GPR39: variants seen among roughly 807,000 people sequenced by gnomAD.
GPR39 encodes zinc sensing receptor.
GPR39 carries 23 observed loss-of-function variants against 18.4 expected under a neutral mutation model. The ratio of observed to expected loss-of-function variants is 1.25; its 90% CI spans 0.90 to 1.77. GPR39 has a LOEUF of 1.77. Ranked by LOEUF, GPR39 falls within the 40% of genes most tolerant of loss-of-function variation. The pLI, the probability that GPR39 is intolerant of heterozygous loss-of-function variation, is 0.00. For missense variants in GPR39, 647 were observed against 602.4 expected (o/e 1.07, Z -0.78); for synonymous variants, 280 against 257.9 (o/e 1.09, Z -0.82).
At chr2:132,530,591 G>A (rs566319107) in intron 1 of GPR39, among the ~76,000 whole-genome samples, 6 of 152,104 alleles carry the variant, frequency 3.9e-5, no homozygotes, top group Non-Finnish European at 8.8e-5. Flanking sequence ...AAATGTTAAG[G>A]GCAGCCAGAG....
intron 1 of GPR39, among the ~76,000 whole-genome samples, chr2:132,493,525 T>C (rs67657567): frequency 0.018 from 1,885 of 103,772 alleles, 39 homozygotes; most frequent in South Asian, 0.041. Context: ...TATATATATA[T>C]ATACACACAC....
chr2:132,630,436 G>A (rs937756849), intron 1 of GPR39, among the ~76,000 whole-genome samples: 5 of 152,186 alleles, frequency 3.3e-5, no homozygotes, highest in African/African-American at 4.8e-5. Flanking sequence ...TGGGTGTGAG[G>A]AGCAGGTACA....
intron 1 of GPR39, among the ~76,000 whole-genome samples, chr2:132,533,630 A>T (rs1679685649): frequency 6.6e-6 from 1 of 152,162 alleles, no homozygotes; most frequent in Non-Finnish European, 1.5e-5. Context: ...ACAGCATGGT[A>T]CTGGTACCAC....
At chr2:132,441,712 T>G (rs997236767) in intron 1 of GPR39, among the ~76,000 whole-genome samples, 38 of 152,256 alleles carry the variant, frequency 2.5e-4, no homozygotes, top group African/African-American at 9.2e-4. Flanking sequence ...AGCAATAGTT[T>G]AAACTAATTT....
intron 1 of GPR39, among the ~76,000 whole-genome samples, chr2:132,527,070 T>C (rs1679527451): frequency 6.6e-6 from 1 of 152,172 alleles, no homozygotes; most frequent in Non-Finnish European, 1.5e-5. Flanking sequence ...CCGCATGGAT[T>C]AGGTATTTGT....
At chr2:132,585,459 C>T (rs1209277228) in intron 1 of GPR39, among the ~76,000 whole-genome samples, 1 of 152,190 alleles carries the variant, frequency 6.6e-6, no homozygotes, top group Non-Finnish European at 1.5e-5. Flanking sequence ...CATCCCCTTC[C>T]GTCCCCTCCC....
At chr2:132,445,202 G>A (rs1306261203) in intron 1 of GPR39, among the ~76,000 whole-genome samples, 1 of 151,958 alleles carries the variant, frequency 6.6e-6, no homozygotes. Context: ...GCATCCATAT[G>A]TTATTCTGAT....
Position 132,617,650 on chromosome 2 carries a change from G to A in GPR39, c.857-27451G>A, listed in dbSNP as rs6707266. 3.3e-5 allele frequency among the ~76,000 whole-genome samples: 5 copies of A among 152,034 alleles called. No homozygotes were observed. In the South Asian group the frequency reaches 6.2e-4, roughly 19 times the overall value. ...TAAATTAGACATTTTTTTGTCATACGTATAGGAAATGTCTTCCCTAGTTGT... is the reference window on the plus strand; with the variant it reads ...TAAATTAGACATTTTTTTGTCATACATATAGGAAATGTCTTCCCTAGTTGT... On this transcript the variant is annotated intron_variant, in intron 1 of 1. Coordinates refer to ENST00000329321, the MANE Select transcript of GPR39 (RefSeq NM_001508.3).
chr2:132,645,575 C>T lies in GPR39; in HGVS notation c.1331C>T (p.Ala444Val). 3 of 1,613,894 alleles carry T rather than the reference C, an allele frequency of 1.9e-6. No homozygotes were observed. The highest frequency in any genetic ancestry group is 1.7e-6 in the Non-Finnish European group (2 of 1,179,924). ...NSGAKPANSA[A>V]ENGFQEHEV ...GGCGCGAAACCAGCCAATTCTGCTG[C>T]AGAGAATGGTTTTCAGGAGCATGAA... Residue 444 changes from alanine to valine, a missense_variant, in exon 2 of 2, where the codon GCA becomes GTA. Coordinates refer to ENST00000329321, the MANE Select transcript of GPR39 (RefSeq NM_001508.3).
intron 1 of GPR39, among the ~76,000 whole-genome samples, chr2:132,591,352 T>G (rs1454669611): frequency 6.6e-6 from 1 of 151,404 alleles, no homozygotes; most frequent in Non-Finnish European, 1.5e-5. Flanking sequence ...CCATGCTGGA[T>G]GCTTCCTGCC....
At chr2:132,493,051 CCATATATACACCATATATATACCA>C (rs1558814972) in intron 1 of GPR39, among the ~76,000 whole-genome samples, 64 of 121,326 alleles carry the variant, frequency 5.3e-4, no homozygotes, top group African/African-American at 1.9e-3. Context: ...ACCATATATA[CCATATATACACCATATATATACCA>C]CATATATACC....
At chr2:132,536,815 T>TA (rs1679765230) in intron 1 of GPR39, among the ~76,000 whole-genome samples, 1 of 152,266 alleles carries the variant, frequency 6.6e-6, no homozygotes, top group Admixed American at 6.5e-5. Context: ...CCTTTACCGT[T>TA]ATGTAATGCA....
intron 1 of GPR39, among the ~76,000 whole-genome samples, chr2:132,626,161 T>A (rs1681542022): frequency 6.6e-6 from 1 of 151,678 alleles, no homozygotes; most frequent in Non-Finnish European, 1.5e-5. Flanking sequence ...TCCCCCAAGG[T>A]GACACTGCTG....
chr2:132,580,763 AG>A (rs1226836250), intron 1 of GPR39, among the ~76,000 whole-genome samples: 2 of 152,136 alleles, frequency 1.3e-5, no homozygotes, highest in Non-Finnish European at 2.9e-5. Context: ...AGAGTTCAAG[AG>A]CAGCCTGGTC....
chr2:132,484,059 C>T (rs1042640161), intron 1 of GPR39, among the ~76,000 whole-genome samples: 9 of 152,300 alleles, frequency 5.9e-5, no homozygotes, highest in African/African-American at 1.7e-4. Flanking sequence ...GGTCCTGGAT[C>T]ATGCCTGTGT....
intron 1 of GPR39, among the ~76,000 whole-genome samples, chr2:132,497,124 ATG>A (rs547478972): frequency 1.3e-5 from 2 of 152,208 alleles, no homozygotes; most frequent in East Asian, 3.9e-4. Context: ...GCACATCCTG[ATG>A]TGTGTGTGGG....
intron 1 of GPR39, among the ~76,000 whole-genome samples, chr2:132,450,141 A>C (rs1680606954): frequency 3.3e-5 from 5 of 152,208 alleles, no homozygotes; most frequent in Admixed American, 3.3e-4. Context: ...GTCAAGGAAG[A>C]CCTGACGTGG....
In GPR39 at chr2:132,453,946, A is replaced by T. The variant is rs367953424; in HGVS notation, c.856+36048A>T. On this transcript the variant is annotated intron_variant, in intron 1 of 1. Coordinates refer to ENST00000329321, the MANE Select transcript of GPR39 (RefSeq NM_001508.3). ...TCCAGCTTTGTTCCTTTGGCTTAGG[A>T]TTGTCCTGGCAATGTGGGCTCTTTT... Among the ~76,000 whole-genome samples, 22 of 152,222 alleles carry T rather than the reference A, an allele frequency of 1.4e-4. 1 individual carries two copies. In the South Asian group the frequency reaches 4.6e-3, roughly 32 times the overall value.
chr2:132,525,843 A>T (rs1679498080), intron 1 of GPR39, among the ~76,000 whole-genome samples: 1 of 152,160 alleles, frequency 6.6e-6, no homozygotes, highest in South Asian at 2.1e-4. Flanking sequence ...CAGCAGCTAG[A>T]TGGGGAGAGC....
Sources: gnomAD v4.1 joint callset for allele counts (sites outside exome capture counted in the v4.1 genomes callset) on GRCh38, gnomAD v4.1.1 for gene constraint, MANE v1.5 for transcripts, NCBI Gene and HGNC (gene_info 2026-07-23, HGNC 2026-07-21) for gene names.